The following ZC3H12B variants were observed in gnomAD, a reference collection of about 807,000 sequenced individuals.
The protein encoded by ZC3H12B is zinc finger CCCH-type containing 12B.
Under a neutral mutation model 43.9 loss-of-function variants are expected in ZC3H12B, and 7 were observed. The ratio of observed to expected loss-of-function variants is 0.16; its 90% CI spans 0.09 to 0.30. The LOEUF is 0.30. Among genes scored for constraint, ZC3H12B ranks in the 10% least tolerant of loss-of-function variants. The pLI, the probability that ZC3H12B is intolerant of heterozygous loss-of-function variation, is 1.00. For synonymous variants in ZC3H12B, 222 were observed against 241.7 expected, an observed-to-expected ratio of 0.92 and a Z score of 0.76; for missense variants, 475 against 670.2, an observed-to-expected ratio of 0.71 and a Z score of 3.22.
At chrX:65,400,915 G>A (rs1231006343) in intron 3 of ZC3H12B, among the ~76,000 whole-genome samples, 1 of 111,229 alleles carries the variant, frequency 9.0e-6, no homozygotes, top group Admixed American at 9.6e-5. Flanking sequence ...ACTCAGTATA[G>A]GTGTTTAATC....
At chrX:65,417,594 C>T (rs931303134) in intron 3 of ZC3H12B, among the ~76,000 whole-genome samples, 5 of 112,277 alleles carry the variant, frequency 4.5e-5, no homozygotes, top group Admixed American at 9.4e-5. Flanking sequence ...AGCTTCTGTA[C>T]CAAAAGGGTC....
chrX:65,195,534 C>A, the ZC3H12B span, among the ~76,000 whole-genome samples: 1 of 111,937 alleles, frequency 8.9e-6, no homozygotes, highest in Admixed American at 9.5e-5. Context: ...CTATGTATAT[C>A]TTATTGTACT....
chrX:65,481,198 T>C (rs1321580509), intron 3 of ZC3H12B, among the ~76,000 whole-genome samples: 1 of 111,521 alleles, frequency 9.0e-6, no homozygotes, highest in African/African-American at 3.3e-5. Flanking sequence ...CCTTTCCTGA[T>C]AAAACCAGCT....
At chrX:65,469,499 G>C (rs1312363035) in intron 3 of ZC3H12B, 1 of 355,684 alleles carries the variant, frequency 2.8e-6, no homozygotes, top group Non-Finnish European at 5.2e-6. Context: ...AATTGGTAAA[G>C]CTGGAGGATG....
At chrX:65,104,772 G>A in the ZC3H12B span, among the ~76,000 whole-genome samples, 2 of 111,874 alleles carry the variant, frequency 1.8e-5, no homozygotes, top group Non-Finnish European at 3.8e-5. Context: ...TGGGGAAGAT[G>A]TAGAGAAATA....
intron 2 of ZC3H12B, among the ~76,000 whole-genome samples, chrX:65,385,739 G>A (rs1265506184): frequency 2.7e-5 from 3 of 111,882 alleles, no homozygotes; most frequent in Non-Finnish European, 5.6e-5. Context: ...CAAAGGGAAT[G>A]CTTCCAGTTT....
At chrX:65,193,955 T>A in the ZC3H12B span, among the ~76,000 whole-genome samples, 2 of 110,937 alleles carry the variant, frequency 1.8e-5, no homozygotes, top group African/African-American at 3.3e-5. Flanking sequence ...GAGCTTTCAA[T>A]CATGGCAGAA....
chrX:65,142,914 G>T, the ZC3H12B span, among the ~76,000 whole-genome samples: 1 of 112,009 alleles, frequency 8.9e-6, no homozygotes, highest in Non-Finnish European at 1.9e-5. Context: ...ATATAGTATA[G>T]TTTGAAATCA....
At chrX:65,189,615 A>G in the ZC3H12B span, among the ~76,000 whole-genome samples, 3 of 102,411 alleles carry the variant, frequency 2.9e-5, no homozygotes, top group Non-Finnish European at 5.9e-5. Flanking sequence ...GTGTCTGTTC[A>G]TGTCCTTCGC....
chrX:65,378,342 T>A (rs1309151044), intron 2 of ZC3H12B, among the ~76,000 whole-genome samples: 1 of 111,605 alleles, frequency 9.0e-6, no homozygotes, highest in Non-Finnish European at 1.9e-5. Flanking sequence ...GAGTGTTTTT[T>A]AGTTTACTTT....
chrX:65,257,007 A>T, the ZC3H12B span, among the ~76,000 whole-genome samples: 7 of 112,290 alleles, frequency 6.2e-5, no homozygotes, highest in Non-Finnish European at 1.3e-4. Context: ...TGTTGGTGGG[A>T]CTGTAAACTA....
At chrX:65,453,359 CATATATAT>C (rs1159840122) in intron 3 of ZC3H12B, among the ~76,000 whole-genome samples, 1,642 of 27,172 alleles carry the variant, frequency 0.06, 86 homozygotes, top group African/African-American at 0.15. Flanking sequence ...AGCTCAAATG[CATATATAT>C]ATATATATAT....
At chrX:65,155,798 T>A in the ZC3H12B span, among the ~76,000 whole-genome samples, 1 of 110,325 alleles carries the variant, frequency 9.1e-6, no homozygotes, top group Non-Finnish European at 1.9e-5. Flanking sequence ...AGTACTAGGC[T>A]ACAGAGAGCA....
the ZC3H12B span, among the ~76,000 whole-genome samples, chrX:65,104,929 A>T: frequency 8.9e-6 from 1 of 112,029 alleles, no homozygotes; most frequent in Non-Finnish European, 1.9e-5. Flanking sequence ...ATTATAAATC[A>T]TTCTACTATA....
intron 2 of ZC3H12B, among the ~76,000 whole-genome samples, chrX:65,383,158 C>G (rs1178219378): frequency 8.9e-6 from 1 of 111,812 alleles, no homozygotes; most frequent in African/African-American, 3.2e-5. Context: ...CATCCTGAGC[C>G]AAAAGAACAG....
intron 3 of ZC3H12B, among the ~76,000 whole-genome samples, chrX:65,453,448 C>T (rs768766465): frequency 5.3e-5 from 5 of 93,913 alleles, no homozygotes; most frequent in African/African-American, 1.5e-4. Context: ...AGACCAGGTG[C>T]GGTTGCTCAT....
chrX:65,402,042 G>C (rs775820412), intron 3 of ZC3H12B, among the ~76,000 whole-genome samples: 1 of 111,873 alleles, frequency 8.9e-6, no homozygotes, highest in South Asian at 3.7e-4. Flanking sequence ...CTTCACTCTT[G>C]GATGGCATCT....
the ZC3H12B span, among the ~76,000 whole-genome samples, chrX:65,064,254 T>C: frequency 2.7e-5 from 3 of 111,917 alleles, no homozygotes; most frequent in African/African-American, 9.8e-5. Flanking sequence ...AGGGTGTTGA[T>C]TTTAGATCTT....
chrX:65,239,395 C>T, the ZC3H12B span, among the ~76,000 whole-genome samples: 1 of 109,359 alleles, frequency 9.1e-6, no homozygotes, highest in Non-Finnish European at 1.9e-5. Flanking sequence ...ATTGCAACAC[C>T]TGCTCTTTTT....
Sources: gnomAD v4.1 joint callset for allele counts (sites outside exome capture counted in the v4.1 genomes callset) on GRCh38, gnomAD v4.1.1 for gene constraint, MANE v1.5 for transcripts, NCBI Gene and HGNC (gene_info 2026-07-23, HGNC 2026-07-21) for gene names.